SMCR8: variants seen among roughly 807,000 people sequenced by gnomAD.
SMCR8 encodes the protein SMCR8-C9orf72 complex subunit.
SMCR8 carries 30 observed loss-of-function variants against 56.6 expected under a neutral mutation model. The ratio of observed to expected loss-of-function variants is 0.53; its 90% CI spans 0.40 to 0.72. The LOEUF (loss-of-function observed/expected upper bound fraction) is 0.72. SMCR8 is among the 30% of genes least tolerant of loss of function. The pLI is 0.00. For synonymous variants in SMCR8, 538 were observed against 456.0 expected (o/e 1.18, Z -2.29); for missense variants, 1,198 against 1,157.0 (o/e 1.04, Z -0.51).
In SMCR8 at chr17:18,317,887, G is replaced by A. The variant is rs137890085; in HGVS notation, c.2098G>A (p.Asp700Asn). 3.0e-5 allele frequency: 48 copies of A among 1,614,100 alleles called. No homozygotes were observed. Among genetic ancestry groups the A allele is most frequent in the South Asian group, 1.9e-4 (17 of 91,080 alleles). Residue 700 changes from aspartate (D) to asparagine (N), a missense_variant, in exon 1 of 2, where the codon GAT becomes AAT. Asp to Asn is a conservative substitution (Grantham distance 23). Transcript: ENST00000406438. ...TGCTTATCCTGCTGGCCTGTCTTCC[G>A]ATAGGCATAAAAAGAGGGCTGGCCA... ...PSAYPAGLSSDRHKKRAGQNA... is the reference protein window; with the variant it reads ...PSAYPAGLSSNRHKKRAGQNA...
chr17:18,324,716 G>A lies in SMCR8; in HGVS notation c.*1646G>A, dbSNP rs545095408. ...TGGTTCCCTCCTTGTCCAAGTCCTC[G>A]TTTTAAGGGCATGGCCCGTTGGCTC... On this transcript the variant is annotated 3_prime_UTR_variant, in exon 2 of 2. Transcript: ENST00000406438. 3 of 152,412 alleles carry A rather than the reference G, an allele frequency of 2.0e-5. No homozygotes were observed. The highest frequency in any genetic ancestry group is 4.1e-4 in the South Asian group (2 of 4,834). 9.4% of individuals were successfully genotyped at this position (152,412 alleles called of 1,614,324 possible). A position where few individuals can be genotyped will look rare whatever the true frequency, so the allele number is the denominator to read the frequency against.
Position 18,316,882 on chromosome 17 carries a change from C to T in SMCR8, c.1093C>T (p.Gln365Ter), listed in dbSNP as rs1982317562. ...SQIDRALLKQ[Q>*]HITNFLFEDF... ...GATTGATAGAGCACTTCTAAAACAA[C>T]AGCATATAACAAACTTTCTCTTTGA... Residue 365 changes from glutamine (Q) to a stop codon, truncating the protein, a stop_gained, in exon 1 of 2, where the codon CAG becomes TAG. Coordinates refer to ENST00000406438, the MANE Select transcript of SMCR8 (RefSeq NM_144775.3). LOFTEE classifies it high-confidence loss of function. The T allele has an allele frequency of 1.2e-6, 2 of 1,614,068 alleles. No homozygotes were observed. Among genetic ancestry groups the T allele is most frequent in the African/African-American group, 1.3e-5 (1 of 74,928 alleles).
In SMCR8 at chr17:18,315,718, G is replaced by A; in HGVS notation, c.-72G>A. 7.0e-7 allele frequency: 1 copy of A among 1,419,980 alleles called. No individual in the cohort carries two copies. Among genetic ancestry groups the A allele is most frequent in the South Asian group, 1.4e-5 (1 of 73,220 alleles). The allele number at this position is 1,419,980 out of a possible 1,614,324, so 88.0% of individuals were successfully genotyped here. On this transcript the variant is annotated 5_prime_UTR_variant, in exon 1 of 2. Coordinates refer to ENST00000406438, the MANE Select transcript of SMCR8 (RefSeq NM_144775.3). ...GCTTCACTTCCTTCTCCGGAGGCCT[G>A]CCTTCTGCGCGTCGATTAACACCGC...
At chr17:18,319,659 A>T (rs1468887999) in intron 1 of SMCR8, among the ~76,000 whole-genome samples, 1 of 152,180 alleles carries the variant, frequency 6.6e-6, no homozygotes, top group Admixed American at 6.5e-5. Flanking sequence ...TGGGGATAAG[A>T]GATGGCTAAA....
Position 18,318,043 on chromosome 17 carries a change from A to C in SMCR8, c.2254A>C (p.Ile752Leu). Residue 752 changes from isoleucine (I) to leucine (L), a missense_variant, in exon 1 of 2, where the codon ATC becomes CTC. Ile to Leu is a conservative substitution (Grantham distance 5, BLOSUM62 2). Coordinates refer to ENST00000406438, the MANE Select transcript of SMCR8 (RefSeq NM_144775.3). ...CAGGAAACTCGTGACTGCACTGGCTATCTTTGTCCCCAGCTATGGCTGCTA... is the reference window on the plus strand; with the variant it reads ...CAGGAAACTCGTGACTGCACTGGCTCTCTTTGTCCCCAGCTATGGCTGCTA... ...IVRKLVTALA[I>L]FVPSYGCYAK... 6.2e-7 allele frequency: 1 copy of C among 1,614,242 alleles called. No homozygotes were observed. Among genetic ancestry groups the C allele is most frequent in the Non-Finnish European group, 8.5e-7 (1 of 1,180,046 alleles).
chr17:18,321,164 T>G (rs927177647), intron 1 of SMCR8, among the ~76,000 whole-genome samples: 6 of 152,240 alleles, frequency 3.9e-5, no homozygotes, highest in Non-Finnish European at 8.8e-5. Context: ...TGGTCCCAAG[T>G]CACCGTCAGT....
At chr17:18,322,505 C>G (rs993203664) in intron 1 of SMCR8, 112 bp from the exon 2 acceptor site, 9 of 878,184 alleles carry the variant, frequency 1.0e-5, no homozygotes, top group African/African-American at 8.3e-5. Context: ...AGAGCCAGTG[C>G]ATGCTGGCTA....
chr17:18,316,720 T>A lies in SMCR8; in HGVS notation c.931T>A (p.Ser311Thr). ...CACCCCAAAACTTATCAAAGCAAAG[T>A]CCACCAAGTGTTTTGACAAGAAGTT... The part of the protein sequence containing the change: ...AYTPKLIKAK[S>T]TKCFDKKLKT... The change falls in exon 1 of 2, where the codon TCC (serine) becomes ACC (threonine). Residue 311 changes from serine (S) to threonine (T), a missense_variant. Transcript: ENST00000406438. 3 of 1,614,120 alleles carry A rather than the reference T, an allele frequency of 1.9e-6. No homozygotes were observed. The highest frequency in any genetic ancestry group is 2.5e-6 in the Non-Finnish European group (3 of 1,180,010).
chr17:18,320,878 C>T (rs1210887149), intron 1 of SMCR8, among the ~76,000 whole-genome samples: 4 of 152,206 alleles, frequency 2.6e-5, no homozygotes, highest in African/African-American at 7.2e-5. Flanking sequence ...CTTCTGAGGG[C>T]CAGCTCTGAG....
intron 1 of SMCR8, among the ~76,000 whole-genome samples, chr17:18,321,886 G>A (rs1314446069): frequency 1.3e-5 from 2 of 152,214 alleles, no homozygotes; most frequent in Non-Finnish European, 2.9e-5. Context: ...GAGGCTCAGA[G>A]AGGTTAATGA....
In SMCR8 at chr17:18,317,575, G is replaced by T. The variant is rs201290800; in HGVS notation, c.1786G>T (p.Val596Leu). The part of the protein sequence containing the change: ...CIGKESDGQL[V>L]LPSTPAHTHS... ...TGGGAAGGAGAGCGATGGTCAGTTGGTGCTGCCCTCCACTCCAGCCCACAC... is the reference window on the plus strand; with the variant it reads ...TGGGAAGGAGAGCGATGGTCAGTTGTTGCTGCCCTCCACTCCAGCCCACAC... Residue 596 changes from valine (V) to leucine (L), a missense_variant, in exon 1 of 2, where the codon GTG becomes TTG. Val to Leu is a conservative substitution (Grantham distance 32). Coordinates refer to ENST00000406438, the MANE Select transcript of SMCR8 (RefSeq NM_144775.3). 2 of 1,614,118 alleles carry T rather than the reference G, an allele frequency of 1.2e-6. No homozygotes were observed. Among genetic ancestry groups the T allele is most frequent in the East Asian group, 2.2e-5 (1 of 44,888 alleles).
chr17:18,317,515 A>G lies in SMCR8; in HGVS notation c.1726A>G (p.Asn576Asp). ...TGAGACAGAGGAAGGCAGCATAGAA[A>G]ACACCCCATCACAAATAGACTCCTC... Reference protein sequence around the residue: ...LGETEEGSIENTPSQIDSSCC... With the variant: ...LGETEEGSIEDTPSQIDSSCC... Residue 576 changes from asparagine (N) to aspartate (D), a missense_variant, in exon 1 of 2, where the codon AAC becomes GAC. Transcript: ENST00000406438. 6.2e-7 allele frequency: 1 copy of G among 1,614,054 alleles called. No homozygotes were observed. Among genetic ancestry groups the G allele is most frequent in the Non-Finnish European group, 8.5e-7 (1 of 1,180,042 alleles).
rs1275279142 is a variant in SMCR8 at position 18,328,010 on chromosome 17, G to A, written c.*4940G>A. The A allele has an allele frequency of 6.6e-6, 1 of 152,588 alleles. No individual in the cohort carries two copies. The highest frequency in any genetic ancestry group is 6.5e-5 in the Admixed American group (1 of 15,276). 9.5% of individuals were successfully genotyped at this position (152,588 alleles called of 1,614,324 possible). ...GTGCTTATTAAAAATGGTCATCTAT[G>A]TTTTGCACTTCAGCTACGTGAAAAT... On this transcript the variant is annotated 3_prime_UTR_variant, in exon 2 of 2. Coordinates refer to ENST00000406438, the MANE Select transcript of SMCR8 (RefSeq NM_144775.3).
chr17:18,320,577 T>G (rs939982558), intron 1 of SMCR8, among the ~76,000 whole-genome samples: 1 of 152,096 alleles, frequency 6.6e-6, no homozygotes, highest in African/African-American at 2.4e-5. Context: ...AGCCCCACTT[T>G]AGGGAGGTGA....
At position 18,316,309 on chromosome 17, in the gene SMCR8, G is replaced by A. The variant is rs371124727; in HGVS notation, c.520G>A (p.Ala174Thr). 109 of 1,613,950 alleles carry A rather than the reference G, an allele frequency of 6.8e-5. No individual in the cohort carries two copies. Among genetic ancestry groups the A allele is most frequent in the Non-Finnish European group, 9.1e-5 (107 of 1,180,044 alleles). Residue 174 changes from alanine (A) to threonine (T), a missense_variant, in exon 1 of 2, where the codon GCC becomes ACC. By Grantham distance (58) the Ala-to-Thr change is moderately conservative (BLOSUM62 0). Transcript: ENST00000406438. The part of the protein sequence containing the change: ...KIMQQFQELS[A>T]EFSRASECLK... Reference sequence around the variant, plus strand: ...CATGCAGCAGTTCCAGGAGCTTTCAGCCGAATTTTCCAGAGCTTCTGAGTG... The same window carrying A: ...CATGCAGCAGTTCCAGGAGCTTTCAACCGAATTTTCCAGAGCTTCTGAGTG...
chr17:18,315,482 C>CA lies in SMCR8; in HGVS notation c.-307dup. 9.1e-6 allele frequency: 3 copies of CA among 328,506 alleles called. No homozygotes were observed. Among genetic ancestry groups the CA allele is most frequent in the Non-Finnish European group, 1.7e-5 (3 of 177,936 alleles). The allele number at this position is 328,506 out of a possible 1,614,324, so 20.3% of individuals were successfully genotyped here. A position where few individuals can be genotyped will look rare whatever the true frequency, so the allele number is the denominator to read the frequency against. On this transcript the variant is annotated 5_prime_UTR_variant, in exon 1 of 2. Coordinates refer to ENST00000406438, the MANE Select transcript of SMCR8 (RefSeq NM_144775.3). ...CTGTCGCAGTGGGTTCCGGAGAGTG[C>CA]AGGTGATTTCGCAGCAGGTTTCTTG...
chr17:18,318,001 G>A lies in SMCR8; in HGVS notation c.2212G>A (p.Glu738Lys). 1.2e-6 allele frequency: 2 copies of A among 1,614,268 alleles called. No individual in the cohort carries two copies. Among genetic ancestry groups the A allele is most frequent in the Non-Finnish European group, 1.7e-6 (2 of 1,180,046 alleles). Residue 738 changes from glutamate to lysine, a missense_variant, in exon 1 of 2, where the codon GAA becomes AAA. Coordinates refer to ENST00000406438, the MANE Select transcript of SMCR8 (RefSeq NM_144775.3). ...LSGRTLVVLG[E>K]DEAIVRKLVT... ...TGGGAGGACACTTGTGGTCCTGGGG[G>A]AAGATGAGGCCATAGTCAGGAAACT... is the stretch of plus-strand genomic sequence containing the variant.
chr17:18,315,857 A>T lies in SMCR8; in HGVS notation c.68A>T (p.Glu23Val). Residue 23 changes from glutamate to valine, a missense_variant, in exon 1 of 2, where the codon GAG becomes GTG. Physicochemically the swap from Glu to Val is moderately radical, Grantham distance 121 (BLOSUM62 -2). Coordinates refer to ENST00000406438, the MANE Select transcript of SMCR8 (RefSeq NM_144775.3). ...GAGTATGAAGAAGAGCCTTACAATG[A>T]GCCGGCCCTGCCTGAGGAGTACTCG... ...EEEYEEEPYN[E>V]PALPEEYSVP... 1.9e-6 allele frequency: 3 copies of T among 1,613,802 alleles called. No homozygotes were observed. The highest frequency in any genetic ancestry group is 2.2e-5 in the South Asian group (2 of 91,064).
Position 18,316,155 on chromosome 17 carries a change from G to C in SMCR8, c.366G>C (p.Lys122Asn). The stretch of plus-strand genomic sequence containing the variant: ...AGCTGAACTTCGTGGAGGACTCCAA[G>C]GTGGTGCTGGGAGATTCTAAGGAGG... ...YPKLNFVEDS[K>N]VVLGDSKEGA... The change falls in exon 1 of 2, where the codon AAG becomes AAC. Residue 122 changes from lysine to asparagine, a missense_variant. Lys to Asn is a moderately conservative substitution (Grantham distance 94). Transcript: ENST00000406438. 1 of 1,614,180 alleles carries C rather than the reference G, an allele frequency of 6.2e-7. No homozygotes were observed. The highest frequency in any genetic ancestry group is 8.5e-7 in the Non-Finnish European group (1 of 1,180,040).
Sources: allele counts gnomAD v4.1 joint callset (sites outside exome capture counted in the v4.1 genomes callset), GRCh38; gene constraint gnomAD v4.1.1; transcripts MANE v1.5; gene names NCBI Gene and HGNC (gene_info 2026-07-23, HGNC 2026-07-21).